The following IFI16 variants were observed in gnomAD, a reference collection of about 807,000 sequenced individuals.
The protein encoded by IFI16 is interferon gamma inducible protein 16, also known as gamma-interferon-inducible protein 16.
Under a neutral mutation model 68.4 loss-of-function variants are expected in IFI16, and 49 were observed. The observed-to-expected ratio is 0.72, with a 90% CI of 0.57 to 0.91. IFI16 has a LOEUF of 0.91. Among genes scored for constraint, IFI16 ranks in the 40% least tolerant of loss-of-function variants. The pLI, the probability that IFI16 is intolerant of heterozygous loss-of-function variation, is 0.00. For synonymous variants in IFI16, 307 were observed against 315.0 expected (o/e 0.97, Z 0.27); for missense variants, 878 against 942.9 (o/e 0.93, Z 0.90).
At chr1:159,033,944 A>G (rs1654164561) in intron 7 of IFI16, among the ~76,000 whole-genome samples, 1 of 152,218 alleles carries the variant, frequency 6.6e-6, no homozygotes, top group African/African-American at 2.4e-5. Context: ...TTAAACTAAT[A>G]TTAATAAATA....
intron 1 of IFI16, among the ~76,000 whole-genome samples, chr1:159,013,904 T>C (rs1652748954): frequency 6.6e-6 from 1 of 152,136 alleles, no homozygotes; most frequent in Non-Finnish European, 1.5e-5. Context: ...AAAGGAGAAA[T>C]ATTGAAGGAT....
At chr1:159,045,823 T>C (rs973985861) in intron 8 of IFI16, among the ~76,000 whole-genome samples, 11 of 151,374 alleles carry the variant, frequency 7.3e-5, no homozygotes, top group Middle Eastern at 3.4e-3. Flanking sequence ...TCATTTATTA[T>C]AACTCAAATA....
At chr1:159,014,450 A>C (rs1652792917) in intron 1 of IFI16, among the ~76,000 whole-genome samples, 1 of 111,256 alleles carries the variant, frequency 9.0e-6, no homozygotes, top group Non-Finnish European at 2.1e-5. Flanking sequence ...CAACTCAACT[A>C]TTCTCATTCA....
chr1:159,051,766 G>A lies in IFI16; in HGVS notation c.1753G>A (p.Ala585Thr), dbSNP rs376728594. 12 of 1,613,800 alleles carry A rather than the reference G, an allele frequency of 7.4e-6. No homozygotes were observed. Among genetic ancestry groups the A allele is most frequent in the South Asian group, 4.4e-5 (4 of 91,086 alleles). The change falls in exon 10 of 12, where the codon GCA (alanine) becomes ACA (threonine). Residue 585 changes from alanine to threonine, a missense_variant. Physicochemically the swap from Ala to Thr is moderately conservative, Grantham distance 58. Transcript: ENST00000295809. ...CCTCAAAGAAGTGATGGTGCTGAAC[G>A]CAACAGAATCATTTGTATATGAGCC... ...SDLKEVMVLN[A>T]TESFVYEPKE...
At chr1:159,000,895 T>A (rs1201390264) in intron 1 of IFI16, among the ~76,000 whole-genome samples, 1 of 152,128 alleles carries the variant, frequency 6.6e-6, no homozygotes, top group Non-Finnish European at 1.5e-5. Context: ...GATCTGATTA[T>A]TTAAAGTGTG....
At chr1:159,006,822 AAAAC>A (rs151162799), upstream of IFI16, among the ~76,000 whole-genome samples, 599 of 152,256 alleles carry the variant, frequency 3.9e-3, 4 homozygotes, top group African/African-American at 0.013. Flanking sequence ...CAAGTGCCAA[AAAAC>A]AAACAAACAA....
chr1:159,035,739 G>C (rs1654286912), intron 7 of IFI16, among the ~76,000 whole-genome samples: 1 of 111,254 alleles, frequency 9.0e-6, no homozygotes, highest in Non-Finnish European at 1.8e-5. Context: ...AAACAAACAG[G>C]CTATTCTTAT....
chr1:159,042,228 G>A (rs1022758544), intron 7 of IFI16, among the ~76,000 whole-genome samples: 1 of 152,092 alleles, frequency 6.6e-6, no homozygotes, highest in Non-Finnish European at 1.5e-5. Flanking sequence ...CACAAATTTT[G>A]TGTGTGATAT....
At position 159,032,593 on chromosome 1, in the gene IFI16, C is replaced by T; in HGVS notation, c.1231C>T (p.Leu411Phe). ...GAAGCTACCCCAGGAACAGCGTCAG[C>T]TTCCATATCCTTCAGAGGCCAGCAC... ...SMKLPQEQRQLPYPSEASTTF... is the reference protein window; with the variant it reads ...SMKLPQEQRQFPYPSEASTTF... The change falls in exon 7 of 12, where the codon CTT becomes TTT. Residue 411 changes from leucine to phenylalanine, a missense_variant. This residue lies in a region of IFI16 where 443 missense variants were observed against 421.8 expected (regional missense o/e 1.05). Coordinates refer to ENST00000295809, the MANE Select transcript of IFI16 (RefSeq NM_001376587.1). 2.5e-6 allele frequency: 4 copies of T among 1,612,350 alleles called. No homozygotes were observed. The highest frequency in any genetic ancestry group is 2.5e-6 in the Non-Finnish European group (3 of 1,179,080).
intron 7 of IFI16, among the ~76,000 whole-genome samples, chr1:159,034,429 G>A (rs1425103646): frequency 6.6e-6 from 1 of 152,004 alleles, no homozygotes; most frequent in Non-Finnish European, 1.5e-5. Flanking sequence ...GAGATTGTGG[G>A]GAAGTAGCCA....
At chr1:159,036,425 C>T (rs1255940567) in intron 7 of IFI16, among the ~76,000 whole-genome samples, 2 of 152,168 alleles carry the variant, frequency 1.3e-5, no homozygotes, top group African/African-American at 4.8e-5. Flanking sequence ...TTTCACATTT[C>T]TAAACACCAA....
rs1287449654 is a variant in IFI16, at chr1:159,053,742, A to T, written c.2277+18A>T. 6.3e-6 allele frequency: 10 copies of T among 1,590,468 alleles called. No individual in the cohort carries two copies. The South Asian group carries it at 1.1e-4, about 18-fold the overall frequency. ...ACATCAAGGTTGGAACTTTATAGGA[A>T]CATCATTTTTCCAAGTGGCGAATCA... On this transcript the variant is annotated intron_variant, in intron 11 of 11. Transcript: ENST00000295809.
intron 6 of IFI16, among the ~76,000 whole-genome samples, chr1:159,032,070 A>G (rs544910131): frequency 1.3e-5 from 2 of 152,248 alleles, no homozygotes; most frequent in Admixed American, 1.3e-4. Flanking sequence ...ATCAATGTGC[A>G]ATAGGTCCTA....
At chr1:159,000,316 A>C in exon 1 of IFI16, 1 of 240,000 alleles carries the variant, frequency 4.2e-6, no homozygotes, top group South Asian at 8.1e-5. Context: ...TCTCCATCTC[A>C]CGACTTTTCA....
intron 1 of IFI16, among the ~76,000 whole-genome samples, chr1:159,011,342 C>CACT (rs899716492): frequency 4.0e-5 from 6 of 151,094 alleles, no homozygotes; most frequent in Non-Finnish European, 5.9e-5. Flanking sequence ...GAGACTGTGC[C>CACT]ACTACACTCC....
At chr1:159,044,823 C>A (rs889383366) in intron 7 of IFI16, among the ~76,000 whole-genome samples, 5 of 152,092 alleles carry the variant, frequency 3.3e-5, no homozygotes, top group African/African-American at 1.2e-4. Flanking sequence ...AGAGAATCTT[C>A]TTATTATGGC....
chr1:159,000,225 G>T, exon 1 of IFI16: 1 of 258,860 alleles, frequency 3.9e-6, no homozygotes, highest in Non-Finnish European at 8.2e-6. Context: ...AACTCATCTG[G>T]AAGAAAGCAC....
At chr1:159,000,176 G>T in exon 1 of IFI16, 1 of 213,844 alleles carries the variant, frequency 4.7e-6, no homozygotes. Flanking sequence ...TTGGCTACTC[G>T]TGCTGTTTAG....
chr1:159,008,794 T>TC (rs1246500896), upstream of IFI16, among the ~76,000 whole-genome samples: 1 of 152,248 alleles, frequency 6.6e-6, no homozygotes, highest in African/African-American at 2.4e-5. Context: ...GATAAAGTTA[T>TC]TCATATGGTT....
Sources: allele counts gnomAD v4.1 joint callset (sites outside exome capture counted in the v4.1 genomes callset), GRCh38; gene constraint gnomAD v4.1.1; regional missense constraint gnomAD v4.1.1; transcripts MANE v1.5; gene names NCBI Gene and HGNC (gene_info 2026-07-23, HGNC 2026-07-21).